Variants in UBR3 observed in about 807,000 individuals in gnomAD.
UBR3 encodes E3 ubiquitin-protein ligase UBR3.
A neutral mutation model predicts 243.2 loss-of-function variants in UBR3; 85 were observed. That is an observed-to-expected ratio of 0.35 (90% CI 0.29 to 0.42). The LOEUF (loss-of-function observed/expected upper bound fraction) is 0.42, where lower values mean the gene tolerates loss of function less well. Among genes scored for constraint, UBR3 ranks in the 10% least tolerant of loss-of-function variants. The pLI, the probability that UBR3 is intolerant of heterozygous loss-of-function variation, is 1.00. For synonymous variants in UBR3, 748 were observed against 799.8 expected (o/e 0.94, Z 1.09); for missense variants, 1,686 against 2,300.8 (o/e 0.73, Z 5.47).
At chr2:169,944,683 C>CT (rs60784053) in intron 20 of UBR3, among the ~76,000 whole-genome samples, 12,807 of 144,576 alleles carry the variant, frequency 0.089, 567 homozygotes, top group African/African-American at 0.12. Context: ...ATTTTTATTT[C>CT]TTTTTTTTTT....
intron 11 of UBR3, among the ~76,000 whole-genome samples, chr2:169,917,951 C>T (rs2085528126): frequency 1.3e-5 from 2 of 152,336 alleles, no homozygotes; most frequent in Middle Eastern, 3.4e-3. Context: ...GATCCACCCA[C>T]CTCGGCCTCC....
At chr2:170,041,727 G>A (rs191486125) in intron 32 of UBR3, among the ~76,000 whole-genome samples, 1 of 152,210 alleles carries the variant, frequency 6.6e-6, no homozygotes, top group East Asian at 1.9e-4. Flanking sequence ...GAACATCTAT[G>A]GGTGTATAAA....
At chr2:169,908,056 C>T (rs1389351234) in intron 10 of UBR3, among the ~76,000 whole-genome samples, 1 of 152,166 alleles carries the variant, frequency 6.6e-6, no homozygotes, top group Non-Finnish European at 1.5e-5. Flanking sequence ...ACCCCCTCTC[C>T]CTCCATGCCT....
At chr2:170,077,425 CA>C in intron 36 of UBR3, 8 of 1,482,702 alleles carry the variant, frequency 5.4e-6, no homozygotes, top group African/African-American at 1.4e-5. Context: ...TATTGTTAGG[CA>C]AAAGGTGGCT....
intron 17 of UBR3, among the ~76,000 whole-genome samples, 185 bp downstream of exon 17, chr2:169,927,590 T>A (rs1327950029): frequency 7.2e-6 from 1 of 138,634 alleles, no homozygotes; most frequent in Non-Finnish European, 1.6e-5. Flanking sequence ...TTTTTTTTTT[T>A]AACCTCCTGT....
intron 1 of UBR3, among the ~76,000 whole-genome samples, chr2:169,837,630 G>A (rs779121853): frequency 6.6e-6 from 1 of 152,186 alleles, no homozygotes; most frequent in African/African-American, 2.4e-5. Context: ...GGGGAGAAGC[G>A]AGCAGGGGAA....
chr2:169,972,081 G>C (rs915092043), intron 24 of UBR3, among the ~76,000 whole-genome samples: 2 of 151,940 alleles, frequency 1.3e-5, no homozygotes, highest in African/African-American at 4.8e-5. Flanking sequence ...TGATAAAGGG[G>C]ATATCACCAC....
At chr2:170,022,627 G>A (rs960209439) in intron 30 of UBR3, among the ~76,000 whole-genome samples, 1 of 152,040 alleles carries the variant, frequency 6.6e-6, no homozygotes. Flanking sequence ...CTGACTATCT[G>A]ATATATCCAT....
intron 1 of UBR3, among the ~76,000 whole-genome samples, chr2:169,828,317 A>G (rs1402353405): frequency 2.0e-5 from 3 of 152,148 alleles, no homozygotes; most frequent in Non-Finnish European, 2.9e-5. Context: ...GATAGCGAGA[A>G]AAGAGCCAGT....
chr2:169,939,289 C>T (rs868725005), intron 19 of UBR3, among the ~76,000 whole-genome samples: 1 of 148,032 alleles, frequency 6.8e-6, no homozygotes, highest in Non-Finnish European at 1.5e-5. Context: ...GATGGAGTCT[C>T]GCCCTGTTGC....
At chr2:170,023,304 T>C (rs1010314372) in intron 30 of UBR3, among the ~76,000 whole-genome samples, 1 of 152,132 alleles carries the variant, frequency 6.6e-6, no homozygotes, top group Non-Finnish European at 1.5e-5. Context: ...GATTTAACCA[T>C]TGATGACTAG....
intron 8 of UBR3, among the ~76,000 whole-genome samples, chr2:169,900,746 CT>C (rs79574066): frequency 1.9e-3 from 272 of 142,576 alleles, no homozygotes; most frequent in Admixed American, 1.8e-3. Context: ...ACCTGCCTCC[CT>C]TTTTTTTTTT....
rs2091943902 is a variant in UBR3, at chr2:170,084,026, A to G, written c.*2183A>G. 1 of 152,620 alleles carries G rather than the reference A, an allele frequency of 6.6e-6. No homozygotes were observed. The highest frequency in any genetic ancestry group is 1.5e-5 in the Non-Finnish European group (1 of 68,034). 9.5% of individuals were successfully genotyped at this position (152,620 alleles called of 1,614,324 possible). ...TACAGTACATTACTGTAGAAGCTAA[A>G]TTGATCTTTATAATTAAGCAGAAAT... On this transcript the variant is annotated 3_prime_UTR_variant, in exon 39 of 39. Coordinates refer to ENST00000272793, the MANE Select transcript of UBR3 (RefSeq NM_172070.4).
intron 1 of UBR3, among the ~76,000 whole-genome samples, chr2:169,842,466 C>T (rs2082330164): frequency 6.6e-6 from 1 of 151,652 alleles, no homozygotes; most frequent in African/African-American, 2.4e-5. Flanking sequence ...GGTCCCCTTC[C>T]ACACTGTGGA....
intron 11 of UBR3, among the ~76,000 whole-genome samples, chr2:169,916,688 C>G (rs2085476727): frequency 6.6e-6 from 1 of 152,130 alleles, no homozygotes. Flanking sequence ...AGGCTGGCCC[C>G]CTGTATTGTT....
At chr2:170,016,083 C>T (rs1437798724) in intron 30 of UBR3, among the ~76,000 whole-genome samples, 1 of 140,980 alleles carries the variant, frequency 7.1e-6, no homozygotes, top group African/African-American at 2.6e-5. Flanking sequence ...GTTTAAAACA[C>T]ATAATATATT....
chr2:170,031,220 C>T (rs1381096377), intron 31 of UBR3, among the ~76,000 whole-genome samples: 1 of 152,074 alleles, frequency 6.6e-6, no homozygotes, highest in Admixed American at 6.6e-5. Flanking sequence ...GCTAGGATTA[C>T]CGGTGCGCAC....
At chr2:170,004,290 G>A (rs78381585) in intron 27 of UBR3, among the ~76,000 whole-genome samples, 6 of 152,144 alleles carry the variant, frequency 3.9e-5, no homozygotes, top group South Asian at 2.1e-4. Context: ...AGGAATCAAC[G>A]TGATAGGTGA....
chr2:169,926,074 G>A (rs1453209498), intron 14 of UBR3, among the ~76,000 whole-genome samples: 2 of 149,882 alleles, frequency 1.3e-5, no homozygotes, highest in South Asian at 2.1e-4. Flanking sequence ...CATAGGGGCT[G>A]TATCTGGCTC....
Sources: gnomAD v4.1 joint callset for allele counts (sites outside exome capture counted in the v4.1 genomes callset) on GRCh38, gnomAD v4.1.1 for gene constraint, MANE v1.5 for transcripts, NCBI Gene and HGNC (gene_info 2026-07-23, HGNC 2026-07-21) for gene names.